FAM20B: variants seen among roughly 807,000 people sequenced by gnomAD.
FAM20B encodes the protein glycosaminoglycan xylosylkinase.
A neutral mutation model predicts 43.8 loss-of-function variants in FAM20B; 23 were observed. The observed-to-expected ratio is 0.53, with a 90% confidence interval of 0.38 to 0.74. The LOEUF (loss-of-function observed/expected upper bound fraction) is 0.74, where lower values mean the gene tolerates loss of function less well. FAM20B is among the 30% of genes least tolerant of loss of function. FAM20B has a pLI of 0.00. For missense variants in FAM20B, 440 were observed against 510.5 expected, an observed-to-expected ratio of 0.86 and a Z score of 1.33; for synonymous variants, 178 against 192.4, an observed-to-expected ratio of 0.93 and a Z score of 0.62.
chr1:179,044,311 C>T, intron 2 of FAM20B, 87 bp downstream of exon 2: 1 of 1,431,938 alleles, frequency 7.0e-7, no homozygotes, highest in Non-Finnish European at 9.4e-7. Flanking sequence ...GTCATCTTCT[C>T]TTGGAAGTCT....
Position 179,052,699 on chromosome 1 carries a change from T to C in FAM20B, c.465-1830T>C, listed in dbSNP as rs533312463. On this transcript the variant is annotated intron_variant, in intron 3 of 7. Transcript: ENST00000263733. ...CTATTGATATGGAAAAGCTTAGATATGTGTGTACAATACCATGAATTTTTG... is the reference window on the plus strand; with the variant it reads ...CTATTGATATGGAAAAGCTTAGATACGTGTGTACAATACCATGAATTTTTG... 1.6e-3 allele frequency among the ~76,000 whole-genome samples: 237 copies of C among 152,354 alleles called. 3 individuals carry two copies. Among genetic ancestry groups the C allele is most frequent in the Non-Finnish European group, 2.0e-3 (136 of 68,030 alleles).
At chr1:179,022,901 G>A (rs1290378561), upstream of FAM20B, among the ~76,000 whole-genome samples, 3 of 152,182 alleles carry the variant, frequency 2.0e-5, no homozygotes, top group African/African-American at 7.2e-5. Context: ...GCTATGAAAG[G>A]CTTCATGAAC....
At chr1:179,040,162 T>G (rs1475198339) in intron 1 of FAM20B, among the ~76,000 whole-genome samples, 1 of 152,308 alleles carries the variant, frequency 6.6e-6, no homozygotes, top group African/African-American at 2.4e-5. Context: ...ACCATCCGAC[T>G]CCTCAATCCT....
At chr1:179,018,879 G>A in the FAM20B span, among the ~76,000 whole-genome samples, 3 of 152,106 alleles carry the variant, frequency 2.0e-5, no homozygotes, top group East Asian at 1.9e-4. Context: ...TCTGCAAGCC[G>A]AGGACCCAGG....
chr1:179,044,121 GC>G lies in FAM20B; in HGVS notation c.276del (p.Thr93ProfsTer16). ...GCTGGGGGCAGTCATGCATGCCATG[GC>G]CACCAAGAAAATCATTAAAGCTGAT... is the stretch of plus-strand genomic sequence containing the variant. Reference protein sequence around the residue: ...PELGAVMHAMATKKIIKADVG... With the variant: ...PELGAVMHAMXTKKIIKADVG... On this transcript the variant is annotated frameshift_variant, in exon 2 of 8. Coordinates refer to ENST00000263733, the MANE Select transcript of FAM20B (RefSeq NM_014864.4). LOFTEE classifies it high-confidence loss of function. 1 of 1,614,136 alleles carries G rather than the reference GC, an allele frequency of 6.2e-7. No homozygotes were observed. Among genetic ancestry groups the G allele is most frequent in the Non-Finnish European group, 8.5e-7 (1 of 1,180,014 alleles).
chr1:179,071,918 G>A lies in FAM20B; in HGVS notation c.1004G>A (p.Arg335Gln), dbSNP rs780678801. 5.0e-6 allele frequency: 8 copies of A among 1,610,702 alleles called. No homozygotes were observed. The highest frequency in any genetic ancestry group is 1.1e-5 in the South Asian group (1 of 90,888). The change falls in exon 8 of 8, where the codon CGG becomes CAG. Residue 335 changes from arginine (R) to glutamine (Q), a missense_variant. Arg to Gln is a conservative substitution (Grantham distance 43). Coordinates refer to ENST00000263733, the MANE Select transcript of FAM20B (RefSeq NM_014864.4). ...LAPLYQCCII[R>Q]VSTWNRLNYL... ...TCTATAACTTTTTCTCCCAGCATTC[G>A]GGTGTCCACCTGGAACAGACTGAAC... is the stretch of plus-strand genomic sequence containing the variant.
chr1:179,065,701 C>T (rs1651661516), intron 6 of FAM20B, among the ~76,000 whole-genome samples: 1 of 152,210 alleles, frequency 6.6e-6, no homozygotes, highest in Non-Finnish European at 1.5e-5. Flanking sequence ...CAGCAAAGCA[C>T]ATAGCACTCA....
chr1:179,066,208 A>G (rs1405801255), intron 6 of FAM20B, among the ~76,000 whole-genome samples: 6 of 152,188 alleles, frequency 3.9e-5, no homozygotes, highest in Non-Finnish European at 7.3e-5. Flanking sequence ...AAAGGTTGAC[A>G]GTTTTCCAGA....
intron 7 of FAM20B, among the ~76,000 whole-genome samples, chr1:179,069,703 G>T (rs1651834940): frequency 6.6e-6 from 1 of 152,096 alleles, no homozygotes; most frequent in Non-Finnish European, 1.5e-5. Context: ...TGAATTTGGA[G>T]CTGAGAGGAA....
chr1:179,041,036 T>G (rs1650494195), intron 1 of FAM20B, among the ~76,000 whole-genome samples: 1 of 145,430 alleles, frequency 6.9e-6, no homozygotes, highest in Non-Finnish European at 1.5e-5. Flanking sequence ...GCAGAGACGC[T>G]CCTCACTTCC....
intron 2 of FAM20B, among the ~76,000 whole-genome samples, chr1:179,045,592 G>A (rs1650731027): frequency 6.6e-6 from 1 of 152,146 alleles, no homozygotes; most frequent in South Asian, 2.1e-4. Flanking sequence ...AAAACATTTG[G>A]TAGACTTTCA....
rs961757705 is a variant in FAM20B, at chr1:179,044,152, G to T, written c.305G>T (p.Gly102Val). 6.2e-7 allele frequency: 1 copy of T among 1,614,060 alleles called. No individual in the cohort carries two copies. Among genetic ancestry groups the T allele is most frequent in the African/African-American group, 1.3e-5 (1 of 74,918 alleles). ...AAGAAAATCATTAAAGCTGATGTGGGTTATAAAGGGACACAGCTGAAAGCC... is the reference window on the plus strand; with the variant it reads ...AAGAAAATCATTAAAGCTGATGTGGTTTATAAAGGGACACAGCTGAAAGCC... ...ATKKIIKADV[G>V]YKGTQLKALL... Residue 102 changes from glycine to valine, a missense_variant, in exon 2 of 8, where the codon GGT becomes GTT. Coordinates refer to ENST00000263733, the MANE Select transcript of FAM20B (RefSeq NM_014864.4).
intron 3 of FAM20B, among the ~76,000 whole-genome samples, chr1:179,052,658 G>A (rs1403986229): frequency 1.3e-5 from 2 of 152,152 alleles, no homozygotes; most frequent in African/African-American, 4.8e-5. Flanking sequence ...GGGAAAACTG[G>A]TTGTAACCTA....
upstream of FAM20B, among the ~76,000 whole-genome samples, chr1:179,022,193 C>A (rs1159191781): frequency 6.6e-6 from 1 of 152,206 alleles, no homozygotes; most frequent in African/African-American, 2.4e-5. Context: ...CAGCTGTCCA[C>A]AGACAGCCCA....
chr1:179,026,244 G>A (rs1649767191), intron 1 of FAM20B, 146 bp downstream of exon 1: 1 of 151,260 alleles, frequency 6.6e-6, no homozygotes, highest in Non-Finnish European at 1.5e-5. Context: ...TCCCTGAGGG[G>A]CCGGGCACCG....
intron 4 of FAM20B, among the ~76,000 whole-genome samples, chr1:179,062,299 G>A (rs779309350): frequency 2.6e-5 from 4 of 152,124 alleles, no homozygotes; most frequent in African/African-American, 4.8e-5. Context: ...ATATGTATAT[G>A]TGTGCATACA....
At chr1:179,032,939 C>T (rs920816372) in intron 1 of FAM20B, among the ~76,000 whole-genome samples, 3 of 152,144 alleles carry the variant, frequency 2.0e-5, no homozygotes, top group Admixed American at 6.6e-5. Flanking sequence ...CTTCTGAATG[C>T]TCTTAATTTT....
intron 4 of FAM20B, among the ~76,000 whole-genome samples, chr1:179,060,147 T>G (rs1651402261): frequency 6.6e-6 from 1 of 152,174 alleles, no homozygotes; most frequent in African/African-American, 2.4e-5. Context: ...TGGCACACTT[T>G]GCATACTTCT....
chr1:179,033,649 T>C (rs928678090), intron 1 of FAM20B, among the ~76,000 whole-genome samples: 2 of 152,198 alleles, frequency 1.3e-5, no homozygotes, highest in African/African-American at 4.8e-5. Context: ...TACCTCAAAA[T>C]AATAGTGGGT....
Sources: allele counts gnomAD v4.1 joint callset (sites outside exome capture counted in the v4.1 genomes callset), GRCh38; gene constraint gnomAD v4.1.1; transcripts MANE v1.5; gene names NCBI Gene and HGNC (gene_info 2026-07-23, HGNC 2026-07-21).